SRPK2: variants seen among roughly 807,000 people sequenced by gnomAD.
SRPK2 encodes the protein SRSF protein kinase 2, also known as SFRS protein kinase 2.
A neutral mutation model predicts 90.8 loss-of-function variants in SRPK2; 21 were observed. The ratio of observed to expected loss-of-function variants is 0.23; its 90% CI spans 0.16 to 0.33. SRPK2 has a LOEUF of 0.33. SRPK2 is among the 10% of genes least tolerant of loss of function. The probability of loss-of-function intolerance (pLI) is 1.00; values close to 1 mark genes in which losing one functional copy is unlikely to be tolerated. For missense variants in SRPK2, 620 were observed against 869.0 expected (o/e 0.71, Z 3.60); for synonymous variants, 288 against 311.1 (o/e 0.93, Z 0.78).
intron 3 of SRPK2, among the ~76,000 whole-genome samples, chr7:105,174,094 A>C (rs959020063): frequency 6.6e-6 from 1 of 151,822 alleles, no homozygotes; most frequent in East Asian, 1.9e-4. Context: ...AAAAAAAAAA[A>C]AAACTCTTAT....
rs557151327 is a variant in SRPK2, at chr7:105,344,316, T to C, written c.71+44332A>G. On this transcript the variant is annotated intron_variant, in intron 2 of 15. Transcript: ENST00000393651. ...GAATTTTTTTTTTCTTTGAAGATTA[T>C]AGCTCAGTGCAGCCTTGAACTCCTG... Among the ~76,000 whole-genome samples the C allele has an allele frequency of 4.6e-5, 7 of 151,572 alleles. No homozygotes were observed. In the South Asian group the frequency reaches 6.2e-4, roughly 14 times the overall value.
rs905897537 is a variant in SRPK2, at chr7:105,270,003, T to A, written c.72-66218A>T. Among the ~76,000 whole-genome samples, 15 of 152,324 alleles carry A rather than the reference T, an allele frequency of 9.8e-5. No homozygotes were observed. The East Asian group carries it at 1.5e-3, about 16-fold the overall frequency. On this transcript the variant is annotated intron_variant, in intron 2 of 15. Coordinates refer to ENST00000393651, the MANE Select transcript of SRPK2 (RefSeq NM_182692.3). ...TTTAAGCAGTAAAGCAAATTTTTTT[T>A]AAAATGTTGACTATATAAATCAAAG...
intron 2 of SRPK2, among the ~76,000 whole-genome samples, chr7:105,227,977 A>G (rs868013730): frequency 6.6e-6 from 1 of 151,608 alleles, no homozygotes; most frequent in Non-Finnish European, 1.5e-5. Flanking sequence ...TTACTTTACT[A>G]TTTCTAGCCT....
intron 2 of SRPK2, among the ~76,000 whole-genome samples, chr7:105,314,109 T>A (rs1260263239): frequency 1.3e-5 from 2 of 151,946 alleles, no homozygotes; most frequent in African/African-American, 4.8e-5. Flanking sequence ...GGCTGGCCGG[T>A]AATTTGAGGC....
chr7:105,276,710 T>C (rs1221492521), intron 2 of SRPK2, among the ~76,000 whole-genome samples: 1 of 152,094 alleles, frequency 6.6e-6, no homozygotes, highest in East Asian at 1.9e-4. Flanking sequence ...TGCACTCCAC[T>C]CTGGGCAACA....
chr7:105,382,377 A>G (rs989607272), intron 2 of SRPK2, among the ~76,000 whole-genome samples: 1 of 149,454 alleles, frequency 6.7e-6, no homozygotes, highest in Non-Finnish European at 1.5e-5. Context: ...AAGTGGAGAA[A>G]CCCCGTCTCT....
intron 2 of SRPK2, among the ~76,000 whole-genome samples, chr7:105,336,217 A>AG (rs939027260): frequency 5.9e-5 from 9 of 152,190 alleles, no homozygotes; most frequent in Non-Finnish European, 1.0e-4. Flanking sequence ...GAAAACACAG[A>AG]GAAAAAAAGT....
chr7:105,376,440 TC>T (rs1442502948), intron 2 of SRPK2, among the ~76,000 whole-genome samples: 1 of 151,910 alleles, frequency 6.6e-6, no homozygotes, highest in Non-Finnish European at 1.5e-5. Context: ...TCCCACTACT[TC>T]CTGACAACTC....
chr7:105,324,385 C>T (rs780245893), intron 2 of SRPK2, among the ~76,000 whole-genome samples: 27 of 151,918 alleles, frequency 1.8e-4, no homozygotes, highest in Non-Finnish European at 3.4e-4. Context: ...TGCAATGGCG[C>T]GATCTCAGCT....
At chr7:105,133,797 T>G (rs532986845) in intron 11 of SRPK2, among the ~76,000 whole-genome samples, 1 of 152,356 alleles carries the variant, frequency 6.6e-6, no homozygotes, top group African/African-American at 2.4e-5. Flanking sequence ...AGGTCAGTCA[T>G]GAACTTGTCA....
In SRPK2 at chr7:105,233,090, A is replaced by AGG. The variant is rs1163786646; in HGVS notation, c.72-29306_72-29305insCC. ...AGGAAGGAAGGAAGGAAAGGAAGGAAAGAAGGAAGGAAGGAAGGAAGGAAG... is the reference window on the plus strand; with the variant it reads ...AGGAAGGAAGGAAGGAAAGGAAGGAAGGAGAAGGAAGGAAGGAAGGAAGGAAG... On this transcript the variant is annotated intron_variant, in intron 2 of 15. Coordinates refer to ENST00000393651, the MANE Select transcript of SRPK2 (RefSeq NM_182692.3). Among the ~76,000 whole-genome samples the AGG allele has an allele frequency of 5.0e-4, 62 of 124,794 alleles. 1 individual carries two copies. The highest frequency in any genetic ancestry group is 1.5e-3 in the African/African-American group (45 of 30,368). The allele number at this position is 124,794 out of a possible 152,430, so 81.9% of individuals were successfully genotyped here. A position where few individuals can be genotyped will look rare whatever the true frequency, so the allele number is the denominator to read the frequency against.
At chr7:105,172,596 C>T (rs953374323) in intron 3 of SRPK2, among the ~76,000 whole-genome samples, 1 of 152,120 alleles carries the variant, frequency 6.6e-6, no homozygotes, top group African/African-American at 2.4e-5. Context: ...TTGAAACCAC[C>T]ATACAAAGTA....
At chr7:105,204,443 A>G (rs1410874949) in intron 2 of SRPK2, among the ~76,000 whole-genome samples, 6 of 152,148 alleles carry the variant, frequency 3.9e-5, no homozygotes, top group Non-Finnish European at 8.8e-5. Flanking sequence ...TCAGGGCTCT[A>G]TGAGGAGAAT....
chr7:105,160,712 T>C (rs1447468700), intron 6 of SRPK2, 99 bp from the exon 7 acceptor site: 6 of 644,394 alleles, frequency 9.3e-6, no homozygotes, highest in Non-Finnish European at 1.7e-5. Context: ...CTTATTACTT[T>C]ATAAAATACA....
rs182941804 is a variant in SRPK2 at position 105,210,642 on chromosome 7, T to A, written c.72-6857A>T. ...TGTTAAATCTCCTGCTTCTCTTGAG[T>A]ATGGGTAGATCTGTGAGTGTGAGAT... On this transcript the variant is annotated intron_variant, in intron 2 of 15. Coordinates refer to ENST00000393651, the MANE Select transcript of SRPK2 (RefSeq NM_182692.3). Among the ~76,000 whole-genome samples the A allele has an allele frequency of 3.9e-5, 6 of 152,304 alleles. 1 individual carries two copies. The East Asian group carries it at 1.2e-3, about 29-fold the overall frequency.
At chr7:105,333,181 G>A (rs1260071166) in intron 2 of SRPK2, among the ~76,000 whole-genome samples, 2 of 152,128 alleles carry the variant, frequency 1.3e-5, no homozygotes, top group Non-Finnish European at 1.5e-5. Context: ...GCGACAGAGT[G>A]AGACTCCATC....
chr7:105,125,552 A>T (rs1801068858), intron 15 of SRPK2, among the ~76,000 whole-genome samples: 1 of 152,210 alleles, frequency 6.6e-6, no homozygotes, highest in Admixed American at 6.5e-5. Context: ...GGTAACTTGG[A>T]GTAAAAGAGA....
chr7:105,245,406 G>C (rs1276801016), intron 2 of SRPK2, among the ~76,000 whole-genome samples: 1 of 152,236 alleles, frequency 6.6e-6, no homozygotes, highest in African/African-American at 2.4e-5. Flanking sequence ...GGCAGGATCA[G>C]TGAGGACTTT....
intron 2 of SRPK2, among the ~76,000 whole-genome samples, chr7:105,346,533 A>G (rs950594691): frequency 1.3e-5 from 2 of 152,118 alleles, no homozygotes; most frequent in Non-Finnish European, 2.9e-5. Flanking sequence ...AGGCGGGCGG[A>G]TCACGAGGTC....
Sources: allele counts gnomAD v4.1 joint callset (sites outside exome capture counted in the v4.1 genomes callset), GRCh38; gene constraint gnomAD v4.1.1; transcripts MANE v1.5; gene names NCBI Gene and HGNC (gene_info 2026-07-23, HGNC 2026-07-21).